Variants in TULP4 observed in about 807,000 individuals in gnomAD.
TULP4 encodes the protein tubby-related protein 4.
A neutral mutation model predicts 129.0 loss-of-function variants in TULP4; 16 were observed. The observed-to-expected ratio is 0.12, with a 90% CI of 0.08 to 0.19. The LOEUF is 0.19. TULP4 is among the 10% of genes least tolerant of loss of function. TULP4 has a pLI of 1.00. For missense variants in TULP4, 1,842 were observed against 2,059.1 expected (o/e 0.89, Z 2.04); for synonymous variants, 998 against 854.0 (o/e 1.17, Z -2.94).
At chr6:158,318,037 C>T (rs550797475) in intron 1 of TULP4, among the ~76,000 whole-genome samples, 3 of 152,264 alleles carry the variant, frequency 2.0e-5, no homozygotes, top group Non-Finnish European at 4.4e-5. Flanking sequence ...TGTTTAAGTT[C>T]TTTGTAGATT....
intron 1 of TULP4, among the ~76,000 whole-genome samples, chr6:158,346,018 C>T (rs755605010): frequency 1.3e-5 from 2 of 152,136 alleles, no homozygotes; most frequent in African/African-American, 4.8e-5. Flanking sequence ...CTGGCACGTC[C>T]GTTTATAGGC....
At chr6:158,356,021 T>C (rs1452358231) in intron 1 of TULP4, among the ~76,000 whole-genome samples, 1 of 152,134 alleles carries the variant, frequency 6.6e-6, no homozygotes, top group African/African-American at 2.4e-5. Flanking sequence ...GAAATCTTGA[T>C]TGTGGTGGTA....
At chr6:158,323,334 G>T (rs1713897766) in intron 1 of TULP4, among the ~76,000 whole-genome samples, 1 of 152,196 alleles carries the variant, frequency 6.6e-6, no homozygotes, top group African/African-American at 2.4e-5. Flanking sequence ...TTTGACTTAT[G>T]CAGGTGCTCA....
chr6:158,355,178 C>CA (rs1376305022), intron 1 of TULP4, among the ~76,000 whole-genome samples: 1 of 152,012 alleles, frequency 6.6e-6, no homozygotes, highest in Non-Finnish European at 1.5e-5. Flanking sequence ...CCCAAGCAAT[C>CA]ATCCCGCCTC....
chr6:158,248,064 C>T (rs577385333), intron 1 of TULP4, among the ~76,000 whole-genome samples: 9 of 152,290 alleles, frequency 5.9e-5, no homozygotes, highest in Middle Eastern at 3.4e-3. Context: ...CTGACATTTT[C>T]GGCAGAGTTA....
intron 1 of TULP4, among the ~76,000 whole-genome samples, chr6:158,410,143 C>T (rs572985822): frequency 3.3e-5 from 5 of 152,300 alleles, no homozygotes; most frequent in South Asian, 2.1e-4. Context: ...CGTGAGCCAC[C>T]GCACCTGGCC....
chr6:158,321,802 A>G lies in TULP4; in HGVS notation c.252+7534A>G, dbSNP rs565897410. 1.6e-3 allele frequency among the ~76,000 whole-genome samples: 244 copies of G among 152,340 alleles called. 4 individuals are homozygous for G. Among genetic ancestry groups the G allele is most frequent in the Admixed American group, 0.016 (243 of 15,304 alleles). ...ATTTTTCTATTGTGGAGGACTCAAC[A>G]ATCTATGTTAAGTTTTTTAAGTGTT... is the stretch of plus-strand genomic sequence containing the variant. On this transcript the variant is annotated intron_variant, in intron 1 of 13. Transcript: ENST00000367097.
chr6:158,345,913 C>T (rs1318867631), intron 1 of TULP4, among the ~76,000 whole-genome samples: 4 of 152,094 alleles, frequency 2.6e-5, no homozygotes, highest in Non-Finnish European at 4.4e-5. Context: ...CCAAAGCAGA[C>T]GTTTATAGAT....
At position 158,498,818 on chromosome 6, in the gene TULP4, T is replaced by C; in HGVS notation, c.2014+6T>C. On this transcript the variant is annotated splice_donor_region_variant and intron_variant, in intron 12 of 13. Transcript: ENST00000367097. Reference sequence around the variant, plus strand: ...AGATGAAGATGATTTACCAGGTGTGTTCACATACATCAACGTGTTTGTCAC... The same window carrying C: ...AGATGAAGATGATTTACCAGGTGTGCTCACATACATCAACGTGTTTGTCAC... The C allele has an allele frequency of 6.2e-7, 1 of 1,613,896 alleles. No individual in the cohort carries two copies. The highest frequency in any genetic ancestry group is 2.2e-5 in the East Asian group (1 of 44,888).
upstream of TULP4, among the ~76,000 whole-genome samples, chr6:158,308,048 GA>G (rs1197549155): frequency 1.3e-5 from 2 of 148,154 alleles, no homozygotes; most frequent in Admixed American, 1.4e-4. Context: ...GTTTCTCACA[GA>G]GGGGGATTTG....
chr6:158,238,294 TG>T, intron 1 of TULP4: 2 of 1,111,366 alleles, frequency 1.8e-6, no homozygotes, highest in Non-Finnish European at 2.7e-6. Context: ...CACGCAGAGC[TG>T]GGCACCTTGG....
At position 158,429,452 on chromosome 6, in the gene TULP4, A is replaced by T. The variant is rs577215342; in HGVS notation, c.382-284A>T. 1.4e-3 allele frequency among the ~76,000 whole-genome samples: 217 copies of T among 152,282 alleles called. 1 individual carries two copies. The highest frequency in any genetic ancestry group is 3.4e-3 in the Middle Eastern group (1 of 294). ...CTTTACCCGGCCCCGACTAATTCTT[A>T]AAATTTTTGTAGAGGTAGTATCTCG... On this transcript the variant is annotated intron_variant, in intron 2 of 13. Coordinates refer to ENST00000367097, the MANE Select transcript of TULP4 (RefSeq NM_020245.5).
chr6:158,422,082 AGG>A (rs959621254), intron 2 of TULP4, among the ~76,000 whole-genome samples: 1 of 152,220 alleles, frequency 6.6e-6, no homozygotes, highest in African/African-American at 2.4e-5. Flanking sequence ...TTAATTGAAA[AGG>A]AGAGTAAATC....
Position 158,503,844 on chromosome 6 carries a change from A to C in TULP4, c.4181A>C (p.Lys1394Thr). 1.2e-6 allele frequency: 2 copies of C among 1,614,158 alleles called. No homozygotes were observed. Among genetic ancestry groups the C allele is most frequent in the Non-Finnish European group, 1.7e-6 (2 of 1,180,042 alleles). ...VKSQKDQLKSKKLNKTNEFQD... is the reference protein window; with the variant it reads ...VKSQKDQLKSTKLNKTNEFQD... ...AGTCAGAAAGACCAACTGAAGTCAAAGAAGTTGAATAAGACAAACGAGTTC... is the reference window on the plus strand; with the variant it reads ...AGTCAGAAAGACCAACTGAAGTCAACGAAGTTGAATAAGACAAACGAGTTC... The change falls in exon 13 of 14, where the codon AAG (lysine) becomes ACG (threonine). Residue 1394 changes from lysine to threonine, a missense_variant. Physicochemically the swap from Lys to Thr is moderately conservative, Grantham distance 78. This residue lies in a region of TULP4 where 1,089 missense variants were observed against 987.1 expected (regional missense o/e 1.10). Transcript: ENST00000367097. The surrounding 1 kb of genome is among the most constrained non-coding windows in gnomAD (Gnocchi z 4.3).
chr6:158,483,840 G>A (rs1300252196), intron 8 of TULP4, among the ~76,000 whole-genome samples: 1 of 151,916 alleles, frequency 6.6e-6, no homozygotes, highest in Admixed American at 6.6e-5. Context: ...TAAAGTTTGT[G>A]ATCCACTGTC....
At chr6:158,367,923 CAA>C (rs11351338) in intron 1 of TULP4, among the ~76,000 whole-genome samples, 78 of 139,594 alleles carry the variant, frequency 5.6e-4, no homozygotes, top group South Asian at 7.0e-4. Context: ...ACAAATAATA[CAA>C]AAAAAAAAAA....
At position 158,337,035 on chromosome 6, in the gene TULP4, T is replaced by TTCTTTCTTTCTTTC. The variant is rs1554281465; in HGVS notation, c.252+22768_252+22769insCTTTCTTTCTTTCT. Among the ~76,000 whole-genome samples, 61 of 26,682 alleles carry TTCTTTCTTTCTTTC rather than the reference T, an allele frequency of 2.3e-3. 1 individual carries two copies. Among genetic ancestry groups the TTCTTTCTTTCTTTC allele is most frequent in the African/African-American group, 4.0e-3 (59 of 14,778 alleles). The allele number at this position is 26,682 out of a possible 152,430, so 17.5% of individuals were successfully genotyped here. A position where few individuals can be genotyped will look rare whatever the true frequency, so the allele number is the denominator to read the frequency against. On this transcript the variant is annotated intron_variant, in intron 1 of 13. Coordinates refer to ENST00000367097, the MANE Select transcript of TULP4 (RefSeq NM_020245.5). Reference sequence around the variant, plus strand: ...GAGCTGTAAAATTTTCTTTCTTTCTTTTTCTTTCTTTCTTTCTTTCTTTCT... The same window carrying TTCTTTCTTTCTTTC: ...GAGCTGTAAAATTTTCTTTCTTTCTTTCTTTCTTTCTTTCTTTCTTTCTTTCTTTCTTTCTTTCT...
chr6:158,285,042 A>G (rs1778812345), intron 1 of TULP4, among the ~76,000 whole-genome samples: 1 of 152,146 alleles, frequency 6.6e-6, no homozygotes, highest in Non-Finnish European at 1.5e-5. Context: ...TGTTGCTGGT[A>G]TGATTCTCAA....
At position 158,489,696 on chromosome 6, in the gene TULP4, A is replaced by G; in HGVS notation, c.1595A>G (p.Lys532Arg). Reference sequence around the variant, plus strand: ...GACTGGGCTGCCAAGAAATCTCCCAAAATCTCCAGAGCTAGCAAATCACCC... The same window carrying G: ...GACTGGGCTGCCAAGAAATCTCCCAGAATCTCCAGAGCTAGCAAATCACCC... ...SDDWAAKKSP[K>R]ISRASKSPKL... is the part of the protein sequence containing the mutation. Residue 532 changes from lysine (K) to arginine (R), a missense_variant, in exon 9 of 14, where the codon AAA becomes AGA. By Grantham distance (26) the Lys-to-Arg change is conservative (BLOSUM62 2). Transcript: ENST00000367097. The G allele has an allele frequency of 2.5e-6, 4 of 1,614,156 alleles. No homozygotes were observed. The highest frequency in any genetic ancestry group is 3.4e-6 in the Non-Finnish European group (4 of 1,180,036).
Sources: gnomAD v4.1 joint callset for allele counts (sites outside exome capture counted in the v4.1 genomes callset) on GRCh38, gnomAD v4.1.1 for gene constraint, gnomAD v4.1.1 regional missense constraint, Gnocchi (gnomAD v3.1) non-coding constraint, MANE v1.5 for transcripts, NCBI Gene and HGNC (gene_info 2026-07-23, HGNC 2026-07-21) for gene names.